IP6K2: variants seen among roughly 807,000 people sequenced by gnomAD.
The protein encoded by IP6K2 is ATP:1D-myo-inositol-hexakisphosphate phosphotransferase.
IP6K2 carries 9 observed loss-of-function variants against 43.3 expected under a neutral mutation model. The observed-to-expected ratio is 0.21, with a 90% CI of 0.13 to 0.36. The LOEUF (loss-of-function observed/expected upper bound fraction) is 0.36. IP6K2 is among the 10% of genes least tolerant of loss of function. The probability of loss-of-function intolerance (pLI) is 1.00; values close to 1 mark genes in which losing one functional copy is unlikely to be tolerated. For synonymous variants in IP6K2, 209 were observed against 202.4 expected, an observed-to-expected ratio of 1.03 and a Z score of -0.28; for missense variants, 332 against 538.4, an observed-to-expected ratio of 0.62 and a Z score of 3.79.
intron 2 of IP6K2, chr3:48,693,796 T>C (rs188892871): frequency 5.2e-5 from 55 of 1,066,594 alleles, no homozygotes; most frequent in Admixed American, 1.4e-4. Context: ...TTTATTGGTC[T>C]TTGCAGTCTC....
intron 1 of IP6K2, chr3:48,699,783 T>C (rs557030379): frequency 6.6e-6 from 1 of 152,320 alleles, no homozygotes; most frequent in Admixed American, 6.5e-5. Context: ...GGGTTCGTTT[T>C]ACGGTCTGTA....
At position 48,694,916 on chromosome 3, in the gene IP6K2, CTG is replaced by C. The variant is rs779631475; in HGVS notation, c.202+172_202+173del. 21 of 1,546,986 alleles carry C rather than the reference CTG, an allele frequency of 1.4e-5. No individual in the cohort carries two copies. In the East Asian group the frequency reaches 4.9e-4, roughly 36 times the overall value. The stretch of plus-strand genomic sequence containing the variant: ...GAGCAATCTTACCAGGGATTGAAAA[CTG>C]AGGGTGTGAGATGCTGGGCTGAGGG... On this transcript the variant is annotated intron_variant, in intron 2 of 5. Transcript: ENST00000328631.
chr3:48,695,516 C>CCCA lies in IP6K2; in HGVS notation c.-130-96_-130-95insTGG, dbSNP rs1363212100. ...TGCTCCTTCAGCAGAAAGACAAAGA[C>CCCA]AAACAGTCTGAGTTCTTGCGGGACT... is the stretch of plus-strand genomic sequence containing the variant. On this transcript the variant is annotated intron_variant, in intron 1 of 5. Coordinates refer to ENST00000328631, the MANE Select transcript of IP6K2 (RefSeq NM_016291.4). The surrounding 1 kb of genome is among the most constrained non-coding windows in gnomAD (Gnocchi z 4.6). The CCCA allele has an allele frequency of 1.5e-6, 2 of 1,297,518 alleles. No homozygotes were observed. Among genetic ancestry groups the CCCA allele is most frequent in the African/African-American group, 3.0e-5 (2 of 67,558 alleles). 80.4% of individuals were successfully genotyped at this position (1,297,518 alleles called of 1,614,324 possible).
intron 1 of IP6K2, among the ~76,000 whole-genome samples, chr3:48,715,688 T>C (rs1183006900): frequency 6.6e-6 from 1 of 151,508 alleles, no homozygotes; most frequent in Non-Finnish European, 1.5e-5. Flanking sequence ...AGTGTTCTTA[T>C]CCATTTCATT....
chr3:48,694,917 TGAG>T, intron 2 of IP6K2, 170 bp downstream of exon 2: 1 of 1,547,302 alleles, frequency 6.5e-7, no homozygotes, highest in Non-Finnish European at 8.7e-7. Flanking sequence ...GATTGAAAAC[TGAG>T]GGTGTGAGAT....
At position 48,695,971 on chromosome 3, in the gene IP6K2, G is replaced by A. The variant is rs560554835; in HGVS notation, c.-130-550C>T. ...ACAATCTCGACTCACTGCAACCTCC[G>A]CCTCTCAGGGTTCAAGCCATTTTCC... is the stretch of plus-strand genomic sequence containing the variant. On this transcript the variant is annotated intron_variant, in intron 1 of 5. Transcript: ENST00000328631. This position sits in a 1 kb window ranked among gnomAD's most constrained non-coding sequence, Gnocchi z 4.6. Among the ~76,000 whole-genome samples, 10 of 151,170 alleles carry A rather than the reference G, an allele frequency of 6.6e-5. No individual in the cohort carries two copies. The highest frequency in any genetic ancestry group is 2.2e-4 in the African/African-American group (9 of 41,210).
At chr3:48,706,987 ATT>A (rs1436341588) in intron 1 of IP6K2, among the ~76,000 whole-genome samples, 1 of 152,148 alleles carries the variant, frequency 6.6e-6, no homozygotes, top group Admixed American at 6.5e-5. Context: ...ATTGTACATT[ATT>A]TTGTTTAAAG....
intron 1 of IP6K2, among the ~76,000 whole-genome samples, chr3:48,705,671 C>T (rs928748666): frequency 2.9e-4 from 44 of 149,430 alleles, no homozygotes; most frequent in African/African-American, 8.8e-4. Context: ...AAAAAAAAGG[C>T]TATTCACAAG....
rs1280128750 is a variant in IP6K2, at chr3:48,688,856, T to C, written c.781-83A>G. 5.6e-6 allele frequency: 8 copies of C among 1,436,734 alleles called. No individual in the cohort carries two copies. The East Asian group carries it at 1.1e-4, about 20-fold the overall frequency. The allele number at this position is 1,436,734 out of a possible 1,614,324, so 89.0% of individuals were successfully genotyped here. On this transcript the variant is annotated intron_variant, in intron 5 of 5. Transcript: ENST00000328631. The surrounding 1 kb of genome is among the most constrained non-coding windows in gnomAD (Gnocchi z 5.1). ...GGGCGGGGGTGGGGTGGTGTGGTGG[T>C]GGCGGCATGTGACAGCCCAGATCAG...
chr3:48,694,084 CAG>C (rs1223443591), intron 2 of IP6K2: 16 of 1,472,256 alleles, frequency 1.1e-5, no homozygotes, highest in Middle Eastern at 2.5e-4. Flanking sequence ...AATGCGTGCT[CAG>C]AGAGAGATGA....
At position 48,695,823 on chromosome 3, in the gene IP6K2, T is replaced by C. The variant is rs141525738; in HGVS notation, c.-130-402A>G. Among the ~76,000 whole-genome samples the C allele has an allele frequency of 1.0e-4, 15 of 147,968 alleles. No homozygotes were observed. In the East Asian group the frequency reaches 2.9e-3, roughly 29 times the overall value. ...GATGATGCCCAGGTCTCCCATTAAT[T>C]TTATATATTATATATAATATATATT... On this transcript the variant is annotated intron_variant, in intron 1 of 5. Transcript: ENST00000328631. The surrounding 1 kb of genome is among the most constrained non-coding windows in gnomAD (Gnocchi z 4.6).
intron 1 of IP6K2, among the ~76,000 whole-genome samples, chr3:48,708,811 C>A (rs1480595114): frequency 1.3e-5 from 2 of 152,196 alleles, no homozygotes; most frequent in Non-Finnish European, 2.9e-5. Context: ...GTGGCTCACA[C>A]ACGTGTAATC....
At position 48,715,917 on chromosome 3, in the gene IP6K2, TTAAC is replaced by T. The variant is rs574181905; in HGVS notation, c.-131+1236_-131+1239del. Among the ~76,000 whole-genome samples, 15 of 149,554 alleles carry T rather than the reference TTAAC, an allele frequency of 1.0e-4. No individual in the cohort carries two copies. The East Asian group carries it at 2.3e-3, about 23-fold the overall frequency. On this transcript the variant is annotated intron_variant, in intron 1 of 5. Transcript: ENST00000328631. ...AAAATTTTAAATGACAGTTAACAGTTTAACTTTTTCTCAAAAAAAAAAAAAGTTA... is the reference window on the plus strand; with the variant it reads ...AAAATTTTAAATGACAGTTAACAGTTTTTTTCTCAAAAAAAAAAAAAGTTA...
intron 2 of IP6K2, chr3:48,694,371 C>A (rs917017753): frequency 1.9e-6 from 3 of 1,544,434 alleles, no homozygotes; most frequent in African/African-American, 1.4e-5. Flanking sequence ...AATGTTTCAA[C>A]AGTCCCAAAA....
At chr3:48,707,932 T>C (rs1295331279) in intron 1 of IP6K2, among the ~76,000 whole-genome samples, 2 of 152,202 alleles carry the variant, frequency 1.3e-5, no homozygotes, top group East Asian at 3.8e-4. Flanking sequence ...CTAGCTGCCC[T>C]ATCTCTCTGC....
rs148924359 is a variant in IP6K2 at position 48,704,441 on chromosome 3, A to T, written c.-130-9020T>A. Among the ~76,000 whole-genome samples, 805 of 151,928 alleles carry T rather than the reference A, an allele frequency of 5.3e-3. 3 individuals are homozygous for T. The highest frequency in any genetic ancestry group is 0.027 in the Middle Eastern group (8 of 294). ...CATGAAGAGCTTTCTTACCAATTTT[A>T]TATTTTTTAACCAGGAGAAAATGCT... On this transcript the variant is annotated intron_variant, in intron 1 of 5. Transcript: ENST00000328631.
chr3:48,708,966 G>A (rs1292284414), intron 1 of IP6K2, among the ~76,000 whole-genome samples: 1 of 152,194 alleles, frequency 6.6e-6, no homozygotes, highest in Non-Finnish European at 1.5e-5. Flanking sequence ...TACTCGGGAG[G>A]CAGAGGTGGA....
chr3:48,693,120 G>T lies in IP6K2; in HGVS notation c.262C>A (p.Pro88Thr). The change falls in exon 3 of 6, where the codon CCA (proline) becomes ACA (threonine). Residue 88 changes from proline to threonine, a missense_variant. By Grantham distance (38) the Pro-to-Thr change is conservative. Transcript: ENST00000328631. ...ACAATTCCATGGTCCCCTTTCAATGGATATGCTATTAGACACAAGTTCCTG... is the reference window on the plus strand; with the variant it reads ...ACAATTCCATGGTCCCCTTTCAATGTATATGCTATTAGACACAAGTTCCTG... The part of the protein sequence containing the change: ...EDRNLCLIAY[P>T]LKGDHGIVDI... 1 of 1,614,202 alleles carries T rather than the reference G, an allele frequency of 6.2e-7. No homozygotes were observed. The highest frequency in any genetic ancestry group is 1.6e-4 in the Middle Eastern group (1 of 6,062).
At chr3:48,711,468 GAGAC>G (rs1366187622) in intron 1 of IP6K2, 2 of 152,216 alleles carry the variant, frequency 1.3e-5, no homozygotes, top group Non-Finnish European at 2.9e-5. Flanking sequence ...ACCTGAGGAA[GAGAC>G]AGACACTTTT....
Sources: gnomAD v4.1 joint callset for allele counts (sites outside exome capture counted in the v4.1 genomes callset) on GRCh38, gnomAD v4.1.1 for gene constraint, Gnocchi (gnomAD v3.1) non-coding constraint, MANE v1.5 for transcripts, NCBI Gene and HGNC (gene_info 2026-07-23, HGNC 2026-07-21) for gene names.